The following KCNMB2 variants were observed in gnomAD, a reference collection of about 807,000 sequenced individuals.
The protein encoded by KCNMB2 is calcium-activated potassium channel subunit beta-2.
KCNMB2 carries 9 observed loss-of-function variants against 24.5 expected under a neutral mutation model. That is an observed-to-expected ratio of 0.37 (90% CI 0.22 to 0.64). The LOEUF is 0.64. KCNMB2 is among the 30% of genes least tolerant of loss of function. KCNMB2 has a pLI of 0.63. For synonymous variants in KCNMB2, 109 were observed against 104.4 expected, an observed-to-expected ratio of 1.04 and a Z score of -0.27; for missense variants, 226 against 284.3, an observed-to-expected ratio of 0.79 and a Z score of 1.47.
At chr3:178,758,042 CTAG>C (rs1724232525) in intron 1 of KCNMB2, among the ~76,000 whole-genome samples, 1 of 2,658 alleles carries the variant, frequency 3.8e-4, no homozygotes, top group Non-Finnish European at 8.6e-4. Flanking sequence ...ATATATATAT[CTAG>C]ATATATATAT....
intron 1 of KCNMB2, among the ~76,000 whole-genome samples, chr3:178,671,937 G>T (rs148421327): frequency 2.6e-5 from 4 of 152,138 alleles, no homozygotes; most frequent in African/African-American, 7.2e-5. Flanking sequence ...CCTGGGCTGT[G>T]CACACAGAGA....
chr3:178,828,307 C>T lies in KCNMB2; in HGVS notation c.357C>T (p.Asn119=), dbSNP rs760218747. The stretch of plus-strand genomic sequence containing the variant: ...ACCCCTGCCTCCAGGTGTACGTTAA[C>T]CTGACTTCTTCCGGGGAAAAGCTCC... ...SQYPCLQVYV[N]LTSSGEKLLL... Residue 119 remains asparagine, a synonymous_variant, in exon 4 of 5, where the codon AAC becomes AAT. Coordinates refer to ENST00000452583, the MANE Select transcript of KCNMB2 (RefSeq NM_181361.3). 1.1e-5 allele frequency: 17 copies of T among 1,613,882 alleles called. No individual in the cohort carries two copies. Among genetic ancestry groups the T allele is most frequent in the Non-Finnish European group, 1.4e-5 (17 of 1,179,898 alleles).
chr3:178,817,824 T>C (rs1040013070), intron 2 of KCNMB2, among the ~76,000 whole-genome samples: 8 of 152,200 alleles, frequency 5.3e-5, no homozygotes, highest in African/African-American at 1.7e-4. Flanking sequence ...ACTGGCTATC[T>C]CACAACCTAT....
intron 4 of KCNMB2, among the ~76,000 whole-genome samples, chr3:178,836,020 T>C (rs567652844): frequency 6.6e-6 from 1 of 152,266 alleles, no homozygotes; most frequent in Admixed American, 6.5e-5. Context: ...ATTCCCTCTT[T>C]ATAAAAAGGC....
intron 1 of KCNMB2, among the ~76,000 whole-genome samples, chr3:178,617,611 G>A (rs910877556): frequency 7.0e-5 from 10 of 142,064 alleles, no homozygotes; most frequent in Non-Finnish European, 1.2e-4. Context: ...AACACCCAGC[G>A]AGGCGCGGTG....
intron 1 of KCNMB2, among the ~76,000 whole-genome samples, chr3:178,696,848 A>G (rs1433703427): frequency 3.7e-5 from 2 of 53,470 alleles, no homozygotes; most frequent in Non-Finnish European, 7.3e-5. Flanking sequence ...AAAGTAAATT[A>G]CTTTTACCAA....
chr3:178,764,100 G>T (rs1712022811), intron 1 of KCNMB2, among the ~76,000 whole-genome samples: 1 of 152,154 alleles, frequency 6.6e-6, no homozygotes, highest in South Asian at 2.1e-4. Context: ...GTAGTCTACT[G>T]CTCTTTCCAC....
chr3:178,628,625 A>T (rs1474243315), intron 1 of KCNMB2, among the ~76,000 whole-genome samples: 1 of 152,172 alleles, frequency 6.6e-6, no homozygotes, highest in Non-Finnish European at 1.5e-5. Context: ...CTGAAGAATC[A>T]TTATGGGAAG....
intron 1 of KCNMB2, among the ~76,000 whole-genome samples, chr3:178,656,263 TA>T (rs1313682660): frequency 6.6e-6 from 1 of 152,168 alleles, no homozygotes; most frequent in African/African-American, 2.4e-5. Flanking sequence ...AATTCCCAAA[TA>T]AGTCCCAAAA....
At chr3:178,671,021 A>G (rs1720880510) in intron 1 of KCNMB2, among the ~76,000 whole-genome samples, 3 of 152,118 alleles carry the variant, frequency 2.0e-5, no homozygotes, top group Non-Finnish European at 4.4e-5. Flanking sequence ...GAATAGAAAG[A>G]AGTTTCAGAT....
chr3:178,745,392 C>T (rs1038379333), intron 1 of KCNMB2, among the ~76,000 whole-genome samples: 1 of 152,120 alleles, frequency 6.6e-6, no homozygotes, highest in African/African-American at 2.4e-5. Context: ...TTGAGAACAG[C>T]ATGGGAAAGA....
chr3:178,544,231 C>T (rs2108448871), intron 1 of KCNMB2, among the ~76,000 whole-genome samples: 2 of 152,120 alleles, frequency 1.3e-5, no homozygotes, highest in South Asian at 4.2e-4. Flanking sequence ...ATAATTAAGC[C>T]CTGGATCTGC....
At position 178,639,677 on chromosome 3, in the gene KCNMB2, G is replaced by A. The variant is rs183956977; in HGVS notation, c.-68+102966G>A. Reference sequence around the variant, plus strand: ...CTGATCCTAAATGGTCCATTCCCCTGTTGCATGTTCCTTTCTATTCTTCCA... The same window carrying A: ...CTGATCCTAAATGGTCCATTCCCCTATTGCATGTTCCTTTCTATTCTTCCA... On this transcript the variant is annotated intron_variant, in intron 1 of 4. Coordinates refer to ENST00000452583, the MANE Select transcript of KCNMB2 (RefSeq NM_181361.3). Among the ~76,000 whole-genome samples, 279 of 152,270 alleles carry A rather than the reference G, an allele frequency of 1.8e-3. 2 individuals carry two copies. Among genetic ancestry groups the A allele is most frequent in the Non-Finnish European group, 4.3e-4 (29 of 68,012 alleles).
intron 1 of KCNMB2, among the ~76,000 whole-genome samples, chr3:178,698,855 C>T (rs1721980075): frequency 1.3e-5 from 2 of 152,198 alleles, no homozygotes; most frequent in African/African-American, 4.8e-5. Context: ...AGCTGACTGA[C>T]TTTGTCTCTG....
chr3:178,722,590 AC>A (rs747714126), intron 1 of KCNMB2, among the ~76,000 whole-genome samples: 2 of 152,140 alleles, frequency 1.3e-5, no homozygotes, highest in African/African-American at 2.4e-5. Context: ...TATATTAGTC[AC>A]CTCTAAATGG....
intron 1 of KCNMB2, among the ~76,000 whole-genome samples, chr3:178,695,017 C>T (rs977888357): frequency 3.3e-5 from 5 of 152,232 alleles, no homozygotes; most frequent in East Asian, 1.9e-4. Flanking sequence ...ACCCCTGCAG[C>T]AGGTTTCTGC....
intron 1 of KCNMB2, among the ~76,000 whole-genome samples, chr3:178,617,900 A>C (rs945946212): frequency 2.0e-4 from 30 of 151,606 alleles, no homozygotes; most frequent in Non-Finnish European, 3.4e-4. Flanking sequence ...AAAAAAAAAA[A>C]AAAAAAAAAA....
chr3:178,778,466 A>ACGCACGTGCGCGCGCGCG (rs1335954249), intron 1 of KCNMB2, among the ~76,000 whole-genome samples: 2 of 88,544 alleles, frequency 2.3e-5, no homozygotes, highest in Admixed American at 9.8e-5. Context: ...ACACACACAC[A>ACGCACGTGCGCGCGCGCG]CACACACACA....
At chr3:178,668,447 A>G (rs1720793462) in intron 1 of KCNMB2, among the ~76,000 whole-genome samples, 1 of 152,120 alleles carries the variant, frequency 6.6e-6, no homozygotes, top group Non-Finnish European at 1.5e-5. Flanking sequence ...GCTGTACACA[A>G]TGGAGACTGT....
Sources: allele counts gnomAD v4.1 joint callset (sites outside exome capture counted in the v4.1 genomes callset), GRCh38; gene constraint gnomAD v4.1.1; transcripts MANE v1.5; gene names NCBI Gene and HGNC (gene_info 2026-07-23, HGNC 2026-07-21).